Variants in RASGEF1C observed in about 807,000 individuals in gnomAD.
The protein encoded by RASGEF1C is ras-GEF domain-containing family member 1C.
Under a neutral mutation model 58.1 loss-of-function variants are expected in RASGEF1C, and 27 were observed. The observed-to-expected ratio is 0.46, with a 90% CI of 0.34 to 0.64. The LOEUF (loss-of-function observed/expected upper bound fraction) is 0.64. Among genes scored for constraint, RASGEF1C ranks in the 30% least tolerant of loss-of-function variants. The pLI is 0.01. For missense variants in RASGEF1C, 502 were observed against 605.1 expected (o/e 0.83, Z 1.79); for synonymous variants, 243 against 246.3 (o/e 0.99, Z 0.13).
intron 1 of RASGEF1C, among the ~76,000 whole-genome samples, chr5:180,152,502 G>C (rs977157327): frequency 7.2e-6 from 1 of 139,606 alleles, no homozygotes; most frequent in South Asian, 2.2e-4. Flanking sequence ...TCATAGGTGG[G>C]AATTGAACAA....
chr5:180,208,008 C>CGG (rs1413705219), intron 1 of RASGEF1C, among the ~76,000 whole-genome samples: 2 of 152,176 alleles, frequency 1.3e-5, no homozygotes, highest in Non-Finnish European at 2.9e-5. Context: ...TGAGCACTTA[C>CGG]GGGGGCAGGC....
chr5:180,124,601 G>A lies in RASGEF1C; in HGVS notation c.714+3008C>T, dbSNP rs1044974111. On this transcript the variant is annotated intron_variant, in intron 6 of 13. Transcript: ENST00000361132. ...GCACTTTGGGAGGCCGAGGAGGGTG[G>A]ATCACTTGAGGTCGGGAGTTCGGGA... Among the ~76,000 whole-genome samples the A allele has an allele frequency of 2.0e-5, 3 of 152,224 alleles. No homozygotes were observed. In the East Asian group the frequency reaches 5.8e-4, roughly 29 times the overall value.
rs201318370 is a variant in RASGEF1C, at chr5:180,118,602, G to T, written c.1083+7C>A. ...AGCCCCCCTGGGCCAACGTGGCCCC[G>T]ACCTACCTTCTCTCGGCTGCTGTGG... On this transcript the variant is annotated splice_region_variant and intron_variant, in intron 10 of 13. Transcript: ENST00000361132. 3 of 1,603,250 alleles carry T rather than the reference G, an allele frequency of 1.9e-6. No individual in the cohort carries two copies. The highest frequency in any genetic ancestry group is 1.7e-6 in the Non-Finnish European group (2 of 1,174,644).
intron 1 of RASGEF1C, among the ~76,000 whole-genome samples, chr5:180,201,854 G>A (rs1160337383): frequency 6.6e-6 from 1 of 152,224 alleles, no homozygotes; most frequent in Non-Finnish European, 1.5e-5. Context: ...GAGGAGAGGA[G>A]CCATCTGCGA....
In RASGEF1C at chr5:180,158,467, T is replaced by G. The variant is rs1766883574; in HGVS notation, c.-6-20409A>C. ...TTTTACTCACACTTGCTAGTGTAGTTTATAGTTCAGCAAGGCATAGAATTC... is the reference window on the plus strand; with the variant it reads ...TTTTACTCACACTTGCTAGTGTAGTGTATAGTTCAGCAAGGCATAGAATTC... On this transcript the variant is annotated intron_variant, in intron 1 of 13. Coordinates refer to ENST00000361132, the MANE Select transcript of RASGEF1C (RefSeq NM_175062.4). This position sits in a 1 kb window ranked among gnomAD's most constrained non-coding sequence, Gnocchi z 4.0. 6.6e-6 allele frequency among the ~76,000 whole-genome samples: 1 copy of G among 152,194 alleles called. No individual in the cohort carries two copies. The highest frequency in any genetic ancestry group is 1.5e-5 in the Non-Finnish European group (1 of 68,032).
intron 11 of RASGEF1C, among the ~76,000 whole-genome samples, chr5:180,113,383 G>A (rs1292381933): frequency 5.7e-5 from 3 of 53,002 alleles, no homozygotes; most frequent in East Asian, 5.6e-4. Context: ...GGAGGGACCG[G>A]GGATGGACGG....
intron 1 of RASGEF1C, among the ~76,000 whole-genome samples, chr5:180,171,549 C>T (rs1394745653): frequency 2.6e-5 from 4 of 152,138 alleles, no homozygotes; most frequent in Non-Finnish European, 5.9e-5. Context: ...GCCTCCACAG[C>T]ACTCACACTC....
intron 1 of RASGEF1C, among the ~76,000 whole-genome samples, chr5:180,170,143 G>T (rs1175653617): frequency 6.6e-6 from 1 of 152,238 alleles, no homozygotes; most frequent in Non-Finnish European, 1.5e-5. Context: ...ACTAGAGCAG[G>T]TTTCAGCAAA....
chr5:180,208,929 C>T (rs1187108833), intron 1 of RASGEF1C, 99 bp downstream of exon 1: 1 of 147,846 alleles, frequency 6.8e-6, no homozygotes, highest in Non-Finnish European at 1.5e-5. Context: ...CCTCCCGCCT[C>T]CCGCCGACCC....
In RASGEF1C at chr5:180,170,847, G is replaced by A. The variant is rs1767097709; in HGVS notation, c.-6-32789C>T. Among the ~76,000 whole-genome samples, 4 of 152,182 alleles carry A rather than the reference G, an allele frequency of 2.6e-5. No homozygotes were observed. In the South Asian group the frequency reaches 8.3e-4, roughly 32 times the overall value. On this transcript the variant is annotated intron_variant, in intron 1 of 13. Transcript: ENST00000361132. Reference sequence around the variant, plus strand: ...TCCGCTTGTCTTCAGGGCCAAAGTCGGAACTTGGTGGCAGGTGTGGGTCTG... The same window carrying A: ...TCCGCTTGTCTTCAGGGCCAAAGTCAGAACTTGGTGGCAGGTGTGGGTCTG...
chr5:180,119,133 C>G (rs1766124188), intron 8 of RASGEF1C, among the ~76,000 whole-genome samples: 7 of 152,232 alleles, frequency 4.6e-5, no homozygotes, highest in Admixed American at 3.9e-4. Flanking sequence ...CACCAAACAT[C>G]CCGAGGGGGC....
chr5:180,106,526 C>T (rs564124094), intron 12 of RASGEF1C, among the ~76,000 whole-genome samples: 1 of 152,226 alleles, frequency 6.6e-6, no homozygotes, highest in South Asian at 2.1e-4. Context: ...CTCTTTGACC[C>T]ATGGATTATT....
intron 10 of RASGEF1C, chr5:180,115,319 G>C: frequency 4.7e-6 from 2 of 428,868 alleles, no homozygotes; most frequent in Non-Finnish European, 9.2e-6. Flanking sequence ...TTAACAATTT[G>C]TCCCCCTCTG....
chr5:180,173,638 G>GT (rs1282033070), intron 1 of RASGEF1C, among the ~76,000 whole-genome samples: 26 of 152,168 alleles, frequency 1.7e-4, no homozygotes, highest in Non-Finnish European at 2.8e-4. Flanking sequence ...CAGTTGGCCG[G>GT]GCACGGTGGC....
chr5:180,178,303 C>T (rs1351363760), intron 1 of RASGEF1C, among the ~76,000 whole-genome samples: 2 of 85,316 alleles, frequency 2.3e-5, no homozygotes, highest in African/African-American at 4.8e-5. Flanking sequence ...TTTTTTGAGA[C>T]GAGTCTCACT....
At chr5:180,103,308 A>C (rs924847572) in intron 12 of RASGEF1C, among the ~76,000 whole-genome samples, 1 of 152,102 alleles carries the variant, frequency 6.6e-6, no homozygotes. Flanking sequence ...CGATCTCCTG[A>C]CCTTGTGATC....
At chr5:180,206,757 A>C (rs897375808) in intron 1 of RASGEF1C, among the ~76,000 whole-genome samples, 2 of 152,262 alleles carry the variant, frequency 1.3e-5, no homozygotes, top group African/African-American at 4.8e-5. Flanking sequence ...TGAGTGTAAA[A>C]AAGAATGAGC....
intron 1 of RASGEF1C, among the ~76,000 whole-genome samples, chr5:180,164,960 TA>T (rs1766996171): frequency 6.6e-6 from 1 of 152,234 alleles, no homozygotes; most frequent in African/African-American, 2.4e-5. Flanking sequence ...TAGGTGCACA[TA>T]CATTTAGGAT....
intron 1 of RASGEF1C, among the ~76,000 whole-genome samples, chr5:180,146,130 A>G (rs1478943119): frequency 1.3e-5 from 2 of 152,124 alleles, no homozygotes; most frequent in African/African-American, 2.4e-5. Flanking sequence ...GCCCAATCCA[A>G]TATCATGAAG....
Sources: gnomAD v4.1 joint callset for allele counts (sites outside exome capture counted in the v4.1 genomes callset) on GRCh38, gnomAD v4.1.1 for gene constraint, Gnocchi (gnomAD v3.1) non-coding constraint, MANE v1.5 for transcripts, NCBI Gene and HGNC (gene_info 2026-07-23, HGNC 2026-07-21) for gene names.